THSD7B: variants seen among roughly 807,000 people sequenced by gnomAD.
The protein encoded by THSD7B is thrombospondin type 1 domain containing 7B, also known as thrombospondin type-1 domain-containing protein 7B.
A neutral mutation model predicts 213.6 loss-of-function variants in THSD7B; 138 were observed. The ratio of observed to expected loss-of-function variants is 0.65; its 90% CI spans 0.56 to 0.74. The LOEUF is 0.74. THSD7B is among the 30% of genes least tolerant of loss of function. THSD7B has a pLI of 0.00. For synonymous variants in THSD7B, 742 were observed against 687.0 expected (o/e 1.08, Z -1.25); for missense variants, 1,931 against 1,991.5 (o/e 0.97, Z 0.58).
chr2:137,456,614 T>A (rs1031371673), intron 15 of THSD7B, among the ~76,000 whole-genome samples: 3 of 152,202 alleles, frequency 2.0e-5, no homozygotes, highest in African/African-American at 7.2e-5. Context: ...GAAATCATCT[T>A]CCTGGGTATC....
intron 1 of THSD7B, among the ~76,000 whole-genome samples, chr2:136,862,700 A>C (rs1683273769): frequency 1.3e-5 from 2 of 152,144 alleles, no homozygotes. Flanking sequence ...TGTTGTGGAG[A>C]AGTTCATAAA....
chr2:137,314,137 G>T (rs1446927627), intron 12 of THSD7B, among the ~76,000 whole-genome samples: 1 of 152,068 alleles, frequency 6.6e-6, no homozygotes. Flanking sequence ...ATCACTTTCA[G>T]GTACACCAAT....
At chr2:137,498,119 A>T (rs1258195306) in intron 15 of THSD7B, among the ~76,000 whole-genome samples, 1 of 152,170 alleles carries the variant, frequency 6.6e-6, no homozygotes, top group African/African-American at 2.4e-5. Context: ...ACAGCTAATA[A>T]ATTTGGTGAT....
At chr2:137,244,405 A>G (rs542115280) in intron 10 of THSD7B, among the ~76,000 whole-genome samples, 29 of 152,322 alleles carry the variant, frequency 1.9e-4, no homozygotes, top group Non-Finnish European at 3.7e-4. Context: ...TACATAGGGA[A>G]GCAGATTAAC....
chr2:137,626,879 A>G (rs1315697259), intron 20 of THSD7B, among the ~76,000 whole-genome samples: 1 of 152,226 alleles, frequency 6.6e-6, no homozygotes, highest in East Asian at 1.9e-4. Context: ...TAAGTTTCTT[A>G]TTTCCAACAA....
At chr2:137,136,114 G>T (rs1278822608) in intron 5 of THSD7B, among the ~76,000 whole-genome samples, 2 of 152,030 alleles carry the variant, frequency 1.3e-5, no homozygotes, top group Non-Finnish European at 2.9e-5. Flanking sequence ...AGAACACATG[G>T]ACACAGGGGA....
chr2:137,651,541 T>G (rs1203254809), intron 21 of THSD7B, among the ~76,000 whole-genome samples: 1 of 152,076 alleles, frequency 6.6e-6, no homozygotes, highest in Non-Finnish European at 1.5e-5. Flanking sequence ...ATCTTCTGTA[T>G]GGTGAGACCA....
chr2:136,785,245 T>G (rs577124254), intron 1 of THSD7B, among the ~76,000 whole-genome samples: 1 of 152,254 alleles, frequency 6.6e-6, no homozygotes, highest in East Asian at 1.9e-4. Flanking sequence ...CTGCATCCTC[T>G]AGCACTGGGA....
intron 15 of THSD7B, among the ~76,000 whole-genome samples, chr2:137,503,312 T>C (rs1679753214): frequency 6.6e-6 from 1 of 152,132 alleles, no homozygotes; most frequent in South Asian, 2.1e-4. Context: ...CTAATCAGTA[T>C]AAAAAACATT....
chr2:137,295,353 T>C (rs992751476), intron 12 of THSD7B, among the ~76,000 whole-genome samples: 3 of 152,222 alleles, frequency 2.0e-5, no homozygotes, highest in African/African-American at 7.2e-5. Context: ...TTTTTTTCTT[T>C]GCTTCTGTTT....
intron 1 of THSD7B, among the ~76,000 whole-genome samples, chr2:136,865,407 A>G (rs1326251516): frequency 6.6e-6 from 1 of 152,230 alleles, no homozygotes; most frequent in South Asian, 2.1e-4. Flanking sequence ...TTTGAGATCC[A>G]TGTCCTAATA....
intron 2 of THSD7B, among the ~76,000 whole-genome samples, chr2:136,977,640 T>C (rs1463925323): frequency 1.3e-5 from 2 of 152,138 alleles, no homozygotes; most frequent in African/African-American, 4.8e-5. Flanking sequence ...TGGCTGTGTC[T>C]CAGAGATTCG....
At chr2:137,445,056 G>T (rs552410592) in intron 14 of THSD7B, among the ~76,000 whole-genome samples, 2 of 151,840 alleles carry the variant, frequency 1.3e-5, no homozygotes, top group Admixed American at 1.3e-4. Context: ...ACCACAATGA[G>T]ATATTATATC....
At chr2:137,245,165 G>T (rs924550366) in intron 10 of THSD7B, among the ~76,000 whole-genome samples, 9 of 151,798 alleles carry the variant, frequency 5.9e-5, no homozygotes, top group Non-Finnish European at 1.2e-4. Context: ...AATGTATCTT[G>T]TTTTTTTTCC....
chr2:136,945,077 A>T (rs917965677), intron 2 of THSD7B, among the ~76,000 whole-genome samples: 2 of 152,154 alleles, frequency 1.3e-5, no homozygotes, highest in African/African-American at 4.8e-5. Context: ...CTTGTAGGGC[A>T]GGCATGGTGG....
At chr2:137,093,728 G>T (rs967560274) in intron 3 of THSD7B, among the ~76,000 whole-genome samples, 9 of 151,724 alleles carry the variant, frequency 5.9e-5, no homozygotes, top group Admixed American at 5.9e-4. Flanking sequence ...CTTTTATGTT[G>T]GGCTGGTCAC....
At chr2:137,155,629 C>T (rs1679896700) in intron 5 of THSD7B, among the ~76,000 whole-genome samples, 1 of 152,082 alleles carries the variant, frequency 6.6e-6, no homozygotes, top group Admixed American at 6.6e-5. Context: ...TCAATATGAA[C>T]AGCCACAAAT....
At chr2:137,037,970 G>A (rs1164662639) in intron 2 of THSD7B, among the ~76,000 whole-genome samples, 2 of 94,196 alleles carry the variant, frequency 2.1e-5, no homozygotes, top group South Asian at 5.8e-4. Flanking sequence ...TTCATGTAAT[G>A]TTTAGCAAAA....
At position 137,667,879 on chromosome 2, in the gene THSD7B, AAAAGTT is replaced by A. The variant is rs1683481117; in HGVS notation, c.4739+19_4739+24del. 2 of 1,544,926 alleles carry A rather than the reference AAAAGTT, an allele frequency of 1.3e-6. No homozygotes were observed. The highest frequency in any genetic ancestry group is 4.7e-5 in the East Asian group (2 of 42,856). ...CTTGTTTGGTAAGTACTAATTAGTAAAAAGTTTATGTTCCGTATTTTTATGGATTTC... is the reference window on the plus strand; with the variant it reads ...CTTGTTTGGTAAGTACTAATTAGTAATATGTTCCGTATTTTTATGGATTTC... On this transcript the variant is annotated intron_variant, in intron 27 of 27. Transcript: ENST00000409968.
Sources: allele counts gnomAD v4.1 joint callset (sites outside exome capture counted in the v4.1 genomes callset), GRCh38; gene constraint gnomAD v4.1.1; transcripts MANE v1.5; gene names NCBI Gene and HGNC (gene_info 2026-07-23, HGNC 2026-07-21).